MAF: variants seen among roughly 807,000 people sequenced by gnomAD.
MAF encodes MAF bZIP transcription factor, also known as transcription factor Maf.
In MAF, 10 loss-of-function variants were observed where a neutral mutation model predicts 22.0. The observed-to-expected ratio is 0.45, with a 90% CI of 0.28 to 0.77. The LOEUF (loss-of-function observed/expected upper bound fraction) is 0.77. Ranked by LOEUF, MAF falls within the 30% of genes least tolerant of loss-of-function variation. The pLI, the probability that MAF is intolerant of heterozygous loss-of-function variation, is 0.12. For synonymous variants in MAF, 337 were observed against 255.8 expected, an observed-to-expected ratio of 1.32 and a Z score of -3.03; for missense variants, 544 against 548.4, an observed-to-expected ratio of 0.99 and a Z score of 0.08.
chr16:79,562,097 C>G, the MAF span, among the ~76,000 whole-genome samples: 1 of 152,168 alleles, frequency 6.6e-6, no homozygotes, highest in African/African-American at 2.4e-5. Context: ...AAACATTCCC[C>G]CTTTCCATCC....
chr16:79,236,086 G>C, the MAF span, among the ~76,000 whole-genome samples: 2 of 152,056 alleles, frequency 1.3e-5, no homozygotes, highest in Non-Finnish European at 2.9e-5. Flanking sequence ...CTGAACCTTG[G>C]CTGGTGGGCC....
At chr16:79,594,937 T>C (rs1913425110) in intron 1 of MAF, 2 of 1,124,076 alleles carry the variant, frequency 1.8e-6, no homozygotes, top group Middle Eastern at 3.9e-4. Flanking sequence ...TGCTTAATTC[T>C]ACACAACTAT....
chr16:79,343,815 G>A, the MAF span, among the ~76,000 whole-genome samples: 1 of 152,062 alleles, frequency 6.6e-6, no homozygotes, highest in Non-Finnish European at 1.5e-5. Context: ...ATGGTTTATT[G>A]ACTTGGTCTT....
the MAF span, chr16:79,202,700 C>T: frequency 6.6e-6 from 1 of 152,166 alleles, no homozygotes; most frequent in African/African-American, 2.4e-5. Context: ...CAAACGAGTT[C>T]AAGTACATGC....
the MAF span, among the ~76,000 whole-genome samples, chr16:79,562,362 A>G: frequency 6.6e-6 from 1 of 152,192 alleles, no homozygotes; most frequent in Non-Finnish European, 1.5e-5. Context: ...TAGTTTCTTC[A>G]TAGATGATGT....
chr16:79,370,246 T>G, the MAF span, among the ~76,000 whole-genome samples: 2 of 152,216 alleles, frequency 1.3e-5, no homozygotes, highest in Admixed American at 1.3e-4. Context: ...GTAATTGGTT[T>G]TTTGAGTTAT....
chr16:79,259,020 T>C, the MAF span, among the ~76,000 whole-genome samples: 44 of 152,208 alleles, frequency 2.9e-4, no homozygotes, highest in African/African-American at 7.9e-4. Flanking sequence ...CCAGATTACA[T>C]TTTGGGAGGT....
the MAF span, among the ~76,000 whole-genome samples, chr16:79,290,907 G>A: frequency 1.3e-5 from 2 of 152,064 alleles, no homozygotes; most frequent in Non-Finnish European, 2.9e-5. Flanking sequence ...GCCTCAACCA[G>A]ACTTTCTGTG....
At chr16:79,523,435 C>G in the MAF span, among the ~76,000 whole-genome samples, 6 of 152,312 alleles carry the variant, frequency 3.9e-5, no homozygotes, top group South Asian at 1.2e-3. Context: ...ACACATGTTA[C>G]TTATTTCTAT....
chr16:79,511,180 T>G, the MAF span, among the ~76,000 whole-genome samples: 20 of 152,066 alleles, frequency 1.3e-4, no homozygotes, highest in African/African-American at 4.6e-4. Flanking sequence ...TTACCTTTTC[T>G]CTCCAAACCT....
downstream of MAF, among the ~76,000 whole-genome samples, chr16:79,589,956 G>A (rs1399080440): frequency 1.3e-5 from 2 of 152,182 alleles, no homozygotes; most frequent in African/African-American, 4.8e-5. Context: ...GTCTGGGACT[G>A]CAGGCCCGGC....
At chr16:79,222,692 C>G in the MAF span, among the ~76,000 whole-genome samples, 1 of 151,850 alleles carries the variant, frequency 6.6e-6, no homozygotes, top group Non-Finnish European at 1.5e-5. Flanking sequence ...ATTTACCAAG[C>G]AAGTGGGAAG....
the MAF span, among the ~76,000 whole-genome samples, chr16:79,210,143 G>T: frequency 6.6e-6 from 1 of 152,082 alleles, no homozygotes; most frequent in Non-Finnish European, 1.5e-5. Context: ...TCCACACCCC[G>T]CCCAGAGTCG....
the MAF span, among the ~76,000 whole-genome samples, chr16:79,230,063 C>T: frequency 6.6e-6 from 1 of 152,074 alleles, no homozygotes; most frequent in Admixed American, 6.6e-5. Flanking sequence ...ATATCGATCA[C>T]TGAGAATGTA....
the MAF span, among the ~76,000 whole-genome samples, chr16:79,506,427 C>T: frequency 2.0e-5 from 3 of 152,112 alleles, no homozygotes; most frequent in Non-Finnish European, 4.4e-5. Context: ...TATCTCTTAG[C>T]GTCTTTGGCA....
chr16:79,593,297 T>C (rs58622029), downstream of MAF, among the ~76,000 whole-genome samples: 16,838 of 152,140 alleles, frequency 0.11, 988 homozygotes, highest in African/African-American at 0.15. Flanking sequence ...GAACGTGTCA[T>C]AGGCAACTCT....
At chr16:79,584,934 C>T (rs1340674141), downstream of MAF, among the ~76,000 whole-genome samples, 6 of 152,168 alleles carry the variant, frequency 3.9e-5, no homozygotes, top group Non-Finnish European at 8.8e-5. Flanking sequence ...ACACTCTCAA[C>T]TCACTGGATC....
the MAF span, chr16:79,204,406 T>G: frequency 6.6e-6 from 1 of 152,082 alleles, no homozygotes; most frequent in Non-Finnish European, 1.5e-5. Flanking sequence ...TTTCCTTCCC[T>G]CGTTAGGAGT....
At chr16:79,442,986 T>C in the MAF span, among the ~76,000 whole-genome samples, 2 of 152,214 alleles carry the variant, frequency 1.3e-5, no homozygotes, top group African/African-American at 4.8e-5. Flanking sequence ...TTAGTGTGTA[T>C]GTCCCTGTCT....
Sources: allele counts gnomAD v4.1 joint callset (sites outside exome capture counted in the v4.1 genomes callset), GRCh38; gene constraint gnomAD v4.1.1; transcripts MANE v1.5; gene names NCBI Gene and HGNC (gene_info 2026-07-23, HGNC 2026-07-21).